MAGI2: variants seen among roughly 807,000 people sequenced by gnomAD.
MAGI2 encodes membrane associated guanylate kinase, WW and PDZ domain containing 2.
In MAGI2, 35 loss-of-function variants were observed where a neutral mutation model predicts 133.3. The ratio of observed to expected loss-of-function variants is 0.26; its 90% CI spans 0.20 to 0.35. The LOEUF (loss-of-function observed/expected upper bound fraction) is 0.35, where lower values mean the gene tolerates loss of function less well. Ranked by LOEUF, MAGI2 falls within the 10% of genes least tolerant of loss-of-function variation. The pLI is 1.00. For synonymous variants in MAGI2, 729 were observed against 710.6 expected, an observed-to-expected ratio of 1.03 and a Z score of -0.41; for missense variants, 1,636 against 1,863.4, an observed-to-expected ratio of 0.88 and a Z score of 2.25.
chr7:78,055,567 A>G (rs1465874535), intron 21 of MAGI2, among the ~76,000 whole-genome samples: 1 of 152,198 alleles, frequency 6.6e-6, no homozygotes, highest in East Asian at 1.9e-4. Context: ...ACAAAGGAAT[A>G]TAAATAAACC....
intron 2 of MAGI2, among the ~76,000 whole-genome samples, chr7:78,651,618 C>G (rs1811582027): frequency 6.6e-6 from 1 of 152,050 alleles, no homozygotes; most frequent in African/African-American, 2.4e-5. Context: ...AATTAGCATT[C>G]TATCCTAAAA....
chr7:78,259,688 C>T (rs188826524), intron 9 of MAGI2, among the ~76,000 whole-genome samples: 163 of 152,252 alleles, frequency 1.1e-3, no homozygotes, highest in Non-Finnish European at 1.3e-3. Flanking sequence ...GCCACTTCCT[C>T]TAAGGCTCTC....
rs192821781 is a variant in MAGI2 at position 78,413,040 on chromosome 7, G to A, written c.1046-43827C>T. Among the ~76,000 whole-genome samples, 515 of 152,190 alleles carry A rather than the reference G, an allele frequency of 3.4e-3. 2 individuals carry two copies. Among genetic ancestry groups the A allele is most frequent in the Middle Eastern group, 0.027 (8 of 294 alleles). On this transcript the variant is annotated intron_variant, in intron 6 of 21. Coordinates refer to ENST00000354212, the MANE Select transcript of MAGI2 (RefSeq NM_012301.4). ...TTTATTCTGCAGGCAGAGGGAGACA[G>A]GGTTTAAAGGAAAAGTCACTGTTAT...
chr7:79,437,016 T>C (rs1361501638), intron 1 of MAGI2, among the ~76,000 whole-genome samples: 1 of 152,100 alleles, frequency 6.6e-6, no homozygotes, highest in Non-Finnish European at 1.5e-5. Context: ...TATGCAGCCA[T>C]GAAAATAACA....
At chr7:79,277,975 CT>C (rs1187646373) in intron 1 of MAGI2, among the ~76,000 whole-genome samples, 1 of 152,156 alleles carries the variant, frequency 6.6e-6, no homozygotes, top group Non-Finnish European at 1.5e-5. Flanking sequence ...CAACCTCCCC[CT>C]AACATCCTCT....
intron 11 of MAGI2, among the ~76,000 whole-genome samples, chr7:78,196,325 CAAACA>C: frequency 6.6e-6 from 1 of 152,192 alleles, no homozygotes; most frequent in East Asian, 1.9e-4. Context: ...AGCCATGTCT[CAAACA>C]GATCAGACGC....
chr7:78,783,215 C>T (rs1489261078), intron 2 of MAGI2, among the ~76,000 whole-genome samples: 1 of 151,916 alleles, frequency 6.6e-6, no homozygotes. Context: ...AGATAAAATC[C>T]TCAAGGTTGA....
chr7:78,747,944 A>C (rs1157771354), intron 2 of MAGI2, among the ~76,000 whole-genome samples: 1 of 152,192 alleles, frequency 6.6e-6, no homozygotes, highest in East Asian at 1.9e-4. Context: ...CTCCACTGAC[A>C]TAACTTCAGA....
chr7:79,267,353 G>C (rs756097856), intron 1 of MAGI2, among the ~76,000 whole-genome samples: 6 of 152,158 alleles, frequency 3.9e-5, no homozygotes, highest in African/African-American at 7.2e-5. Flanking sequence ...CTCTCAGCAT[G>C]TGTGTCTTAG....
At chr7:79,013,995 T>C (rs973137255) in intron 1 of MAGI2, among the ~76,000 whole-genome samples, 1 of 152,204 alleles carries the variant, frequency 6.6e-6, no homozygotes, top group Non-Finnish European at 1.5e-5. Flanking sequence ...CATGCTTTAA[T>C]ATCTGTGCTG....
chr7:78,545,645 T>C (rs1798771931), intron 3 of MAGI2, among the ~76,000 whole-genome samples: 1 of 152,220 alleles, frequency 6.6e-6, no homozygotes, highest in South Asian at 2.1e-4. Context: ...ACATTGTTGG[T>C]AGAATACATG....
At chr7:79,144,234 CTGAG>C (rs1006727136) in intron 1 of MAGI2, among the ~76,000 whole-genome samples, 6 of 152,132 alleles carry the variant, frequency 3.9e-5, no homozygotes, top group Non-Finnish European at 7.3e-5. Flanking sequence ...ACAGGGAGAA[CTGAG>C]TAAGTTCATA....
intron 1 of MAGI2, among the ~76,000 whole-genome samples, chr7:79,036,402 A>G (rs1391372266): frequency 6.6e-6 from 1 of 152,200 alleles, no homozygotes; most frequent in African/African-American, 2.4e-5. Context: ...TGTTTCCTAC[A>G]TGACTGAGGA....
Position 78,461,939 on chromosome 7 carries a change from A to G in MAGI2, c.1045+27822T>C, listed in dbSNP as rs796357505. On this transcript the variant is annotated intron_variant, in intron 6 of 21. Coordinates refer to ENST00000354212, the MANE Select transcript of MAGI2 (RefSeq NM_012301.4). ...CTCAAAAAAAAAAAAAAAAAAAAAA[A>G]AAAAAAAAGAAAGAAAGAAACAGGA... Among the ~76,000 whole-genome samples the G allele has an allele frequency of 6.9e-3, 792 of 114,922 alleles. 19 individuals carry two copies. Among genetic ancestry groups the G allele is most frequent in the African/African-American group, 0.022 (627 of 28,872 alleles). 75.4% of individuals were successfully genotyped at this position (114,922 alleles called of 152,430 possible).
chr7:79,415,270 TC>T, intron 1 of MAGI2: 1 of 152,280 alleles, frequency 6.6e-6, no homozygotes, highest in East Asian at 1.9e-4. Flanking sequence ...AAAGTTTTCT[TC>T]CTGAATTCAG....
At chr7:79,302,909 A>C (rs973229468) in intron 1 of MAGI2, among the ~76,000 whole-genome samples, 1 of 152,186 alleles carries the variant, frequency 6.6e-6, no homozygotes, top group Non-Finnish European at 1.5e-5. Flanking sequence ...TATAGCACAC[A>C]CTTGATAAAG....
intron 2 of MAGI2, among the ~76,000 whole-genome samples, chr7:78,708,850 CTCTAATACTCATT>C (rs1201580459): frequency 9.6e-6 from 1 of 103,972 alleles, no homozygotes; most frequent in Non-Finnish European, 2.0e-5. Context: ...AACACTTTGA[CTCTAATACTCATT>C]TTTTAAAGTA....
At chr7:78,424,273 AT>A (rs1379201105) in intron 6 of MAGI2, among the ~76,000 whole-genome samples, 2 of 152,224 alleles carry the variant, frequency 1.3e-5, no homozygotes, top group African/African-American at 4.8e-5. Context: ...GGCCGCTTCC[AT>A]GTGGCATTGA....
intron 1 of MAGI2, among the ~76,000 whole-genome samples, chr7:79,451,749 C>T (rs979535804): frequency 1.3e-5 from 2 of 152,174 alleles, no homozygotes; most frequent in African/African-American, 4.8e-5. Flanking sequence ...CAGGTAATGA[C>T]ATGCTCAATT....
Sources: gnomAD v4.1 joint callset for allele counts (sites outside exome capture counted in the v4.1 genomes callset) on GRCh38, gnomAD v4.1.1 for gene constraint, MANE v1.5 for transcripts, NCBI Gene and HGNC (gene_info 2026-07-23, HGNC 2026-07-21) for gene names.